The following MTHFD1L variants were observed in gnomAD, a reference collection of about 807,000 sequenced individuals.
MTHFD1L encodes methylenetetrahydrofolate dehydrogenase (NADP+ dependent) 1 like, also known as monofunctional C1-tetrahydrofolate synthase, mitochondrial.
In MTHFD1L, 81 loss-of-function variants were observed where a neutral mutation model predicts 119.5. That is an observed-to-expected ratio of 0.68 (90% CI 0.57 to 0.82). The LOEUF (loss-of-function observed/expected upper bound fraction) is 0.82, where lower values mean the gene tolerates loss of function less well. Ranked by LOEUF, MTHFD1L falls within the 40% of genes least tolerant of loss-of-function variation. The pLI, the probability that MTHFD1L is intolerant of heterozygous loss-of-function variation, is 0.00. For missense variants in MTHFD1L, 1,125 were observed against 1,253.4 expected (o/e 0.90, Z 1.55); for synonymous variants, 430 against 475.2 (o/e 0.90, Z 1.24).
In MTHFD1L at chr6:150,934,916, A is replaced by G. The variant is rs61740211; in HGVS notation, c.1257-1888A>G. 2.7e-3 allele frequency: 4,128 copies of G among 1,510,636 alleles called. 100 individuals carry two copies. In the African/African-American group the frequency reaches 0.051, roughly 19 times the overall value. The allele number at this position is 1,510,636 out of a possible 1,614,324, so 93.6% of individuals were successfully genotyped here. On this transcript the variant is annotated intron_variant, in intron 11 of 27. Transcript: ENST00000367321. The stretch of plus-strand genomic sequence containing the variant: ...TGGATCAGCTACCAAGAGAAATTCT[A>G]AAGCAAGAAGAGAAAAGCATTTCAA...
In MTHFD1L at chr6:151,072,845, T is replaced by C. The variant is rs1453613297; in HGVS notation, c.2848-19622T>C. On this transcript the variant is annotated intron_variant, in intron 26 of 27. Coordinates refer to ENST00000367321, the MANE Select transcript of MTHFD1L (RefSeq NM_015440.5). ...GAGTACACAATATTATCTCACCCAT[T>C]GATACATAATGTTATGTTAAAAGCA... 2.6e-5 allele frequency among the ~76,000 whole-genome samples: 4 copies of C among 152,070 alleles called. No individual in the cohort carries two copies. The East Asian group carries it at 7.7e-4, about 29-fold the overall frequency.
chr6:151,034,715 T>C (rs911229950), intron 25 of MTHFD1L, 115 bp downstream of exon 25: 19 of 708,526 alleles, frequency 2.7e-5, no homozygotes, highest in Non-Finnish European at 4.5e-5. Flanking sequence ...TAATCTATTG[T>C]ATGGTTAACA....
At chr6:151,015,315 C>T (rs1381378156) in intron 23 of MTHFD1L, among the ~76,000 whole-genome samples, 5 of 148,416 alleles carry the variant, frequency 3.4e-5, no homozygotes, top group Non-Finnish European at 7.4e-5. Context: ...CCCTTAACGA[C>T]TTGAAATATT....
At chr6:151,029,652 C>T (rs7746964) in intron 24 of MTHFD1L, among the ~76,000 whole-genome samples, 35,627 of 151,846 alleles carry the variant, frequency 0.23, 4,481 homozygotes, top group Middle Eastern at 0.31. Flanking sequence ...CAAAATTAGC[C>T]GGGCGTGGTG....
At chr6:151,070,468 C>G (rs1358980147) in intron 26 of MTHFD1L, among the ~76,000 whole-genome samples, 1 of 152,196 alleles carries the variant, frequency 6.6e-6, no homozygotes, top group Admixed American at 6.5e-5. Flanking sequence ...TTGTAAAATA[C>G]CCACATTCTT....
chr6:150,984,329 A>C (rs1777955775), intron 20 of MTHFD1L, among the ~76,000 whole-genome samples: 1 of 152,182 alleles, frequency 6.6e-6, no homozygotes, highest in African/African-American at 2.4e-5. Context: ...GGCTCAGCAG[A>C]AAAAGGAGTA....
At chr6:150,912,154 C>T (rs1300810255) in intron 8 of MTHFD1L, among the ~76,000 whole-genome samples, 2 of 152,174 alleles carry the variant, frequency 1.3e-5, no homozygotes, top group African/African-American at 4.8e-5. Context: ...AGGCCCCACC[C>T]CCAACACTGG....
At chr6:151,061,385 T>G (rs1253792548) in intron 26 of MTHFD1L, among the ~76,000 whole-genome samples, 1 of 152,100 alleles carries the variant, frequency 6.6e-6, no homozygotes, top group Non-Finnish European at 1.5e-5. Flanking sequence ...TCCCCAAGGT[T>G]TTTATTGGGT....
intron 20 of MTHFD1L, among the ~76,000 whole-genome samples, chr6:150,977,696 G>A (rs886521623): frequency 3.9e-5 from 6 of 152,040 alleles, no homozygotes; most frequent in Non-Finnish European, 1.5e-5. Flanking sequence ...TTTGTTTTCT[G>A]CTCTCTCAGT....
chr6:151,003,768 G>C (rs1420453660), intron 20 of MTHFD1L, among the ~76,000 whole-genome samples: 1 of 152,116 alleles, frequency 6.6e-6, no homozygotes, highest in Non-Finnish European at 1.5e-5. Flanking sequence ...TGTGATGTGA[G>C]TGTTTAATGA....
At chr6:151,012,018 A>C (rs1782311808) in intron 21 of MTHFD1L, among the ~76,000 whole-genome samples, 1 of 90,140 alleles carries the variant, frequency 1.1e-5, no homozygotes, top group Admixed American at 1.1e-4. Context: ...AACAACAACA[A>C]CAAAAAAAAA....
intron 20 of MTHFD1L, among the ~76,000 whole-genome samples, chr6:150,993,242 C>T (rs1779294822): frequency 6.6e-6 from 1 of 151,984 alleles, no homozygotes; most frequent in Non-Finnish European, 1.5e-5. Flanking sequence ...GTTTTTTCTT[C>T]CAAAAAACCA....
At chr6:151,037,359 C>A (rs1786338189) in intron 26 of MTHFD1L, among the ~76,000 whole-genome samples, 1 of 152,086 alleles carries the variant, frequency 6.6e-6, no homozygotes, top group South Asian at 2.1e-4. Context: ...AATTTCCTTC[C>A]TAAGGTGAGT....
At chr6:150,974,747 T>G (rs1776304493) in intron 20 of MTHFD1L, among the ~76,000 whole-genome samples, 1 of 151,876 alleles carries the variant, frequency 6.6e-6, no homozygotes, top group Non-Finnish European at 1.5e-5. Context: ...TTTTTTTTAT[T>G]TTTTGTGAGA....
Position 150,936,798 on chromosome 6 carries a change from A to C in MTHFD1L, c.1257-6A>C, listed in dbSNP as rs1271640290. The C allele has an allele frequency of 1.2e-6, 2 of 1,610,886 alleles. No individual in the cohort carries two copies. Among genetic ancestry groups the C allele is most frequent in the Non-Finnish European group, 1.7e-6 (2 of 1,177,600 alleles). ...TATAAAATTCACTTTCTCCCCCCGA[A>C]CTCAGGATCACACCCACCCCTCTTG... On this transcript the variant is annotated splice_polypyrimidine_tract_variant and splice_region_variant and intron_variant, in intron 11 of 27. Transcript: ENST00000367321.
intron 11 of MTHFD1L, among the ~76,000 whole-genome samples, chr6:150,927,662 G>A (rs1251548384): frequency 6.6e-6 from 1 of 151,930 alleles, no homozygotes; most frequent in East Asian, 1.9e-4. Flanking sequence ...TCACCATGTT[G>A]GCCAGGCTTT....
At chr6:150,894,411 G>C (rs1036653461) in intron 7 of MTHFD1L, among the ~76,000 whole-genome samples, 77 of 152,284 alleles carry the variant, frequency 5.1e-4, no homozygotes, top group African/African-American at 1.7e-3. Context: ...TATTGGCCAA[G>C]GGAGTGAAAC....
At chr6:151,042,377 G>C (rs1763550041) in intron 26 of MTHFD1L, among the ~76,000 whole-genome samples, 1 of 152,174 alleles carries the variant, frequency 6.6e-6, no homozygotes, top group Non-Finnish European at 1.5e-5. Flanking sequence ...TTTTGTAAGA[G>C]ATAGTTTTTC....
chr6:150,986,236 G>C (rs532550416), intron 20 of MTHFD1L, among the ~76,000 whole-genome samples: 1 of 152,132 alleles, frequency 6.6e-6, no homozygotes, highest in African/African-American at 2.4e-5. Flanking sequence ...TGCAGAACTT[G>C]GGCAAGTTTT....
Sources: allele counts gnomAD v4.1 joint callset (sites outside exome capture counted in the v4.1 genomes callset), GRCh38; gene constraint gnomAD v4.1.1; transcripts MANE v1.5; gene names NCBI Gene and HGNC (gene_info 2026-07-23, HGNC 2026-07-21).